The following DDR2 variants were observed in gnomAD, a reference collection of about 807,000 sequenced individuals.
DDR2 encodes discoidin domain-containing receptor 2.
DDR2 carries 27 observed loss-of-function variants against 94.9 expected under a neutral mutation model. That is an observed-to-expected ratio of 0.28 (90% CI 0.21 to 0.39). The LOEUF (loss-of-function observed/expected upper bound fraction) is 0.39, where lower values mean the gene tolerates loss of function less well. DDR2 is among the 10% of genes least tolerant of loss of function. The pLI, the probability that DDR2 is intolerant of heterozygous loss-of-function variation, is 1.00. For missense variants in DDR2, 783 were observed against 1,076.0 expected (o/e 0.73, Z 3.81); for synonymous variants, 382 against 377.2 (o/e 1.01, Z -0.15).
In DDR2 at chr1:162,712,004, A is replaced by G. The variant is rs141669479; in HGVS notation, c.-27-7033A>G. ...AGGGGTATAAACCAGGCAAGAGGAG[A>G]ACTTAACTTCCTGCTCACTCTTTCT... On this transcript the variant is annotated intron_variant, in intron 2 of 17. Coordinates refer to ENST00000367921, the MANE Select transcript of DDR2 (RefSeq NM_006182.4). Among the ~76,000 whole-genome samples the G allele has an allele frequency of 1.7e-3, 254 of 152,004 alleles. 4 individuals are homozygous for G. In the East Asian group the frequency reaches 0.017, roughly 10 times the overall value.
intron 12 of DDR2, chr1:162,770,717 G>A (rs956322392): frequency 2.8e-6 from 2 of 708,042 alleles, no homozygotes; most frequent in Non-Finnish European, 2.6e-6. Context: ...TATAAGATGT[G>A]TGGAGGGACC....
intron 2 of DDR2, among the ~76,000 whole-genome samples, chr1:162,666,643 G>C (rs1658583795): frequency 6.6e-6 from 1 of 152,074 alleles, no homozygotes; most frequent in Non-Finnish European, 1.5e-5. Flanking sequence ...AAAATCATCT[G>C]GCACATGGTT....
chr1:162,771,990 A>G lies in DDR2; in HGVS notation c.1505-34A>G, dbSNP rs758255180. On this transcript the variant is annotated intron_variant, in intron 12 of 17. Transcript: ENST00000367921. ...CTGAAGAGATCTCCAAAGACACTCC[A>G]CGGAATGAGGGCTCGTTGCCCTTGT... 1.3e-5 allele frequency: 20 copies of G among 1,564,236 alleles called. No individual in the cohort carries two copies. In the South Asian group the frequency reaches 2.2e-4, roughly 17 times the overall value.
At chr1:162,728,349 C>G (rs1392319205) in intron 3 of DDR2, among the ~76,000 whole-genome samples, 1 of 151,576 alleles carries the variant, frequency 6.6e-6, no homozygotes, top group Non-Finnish European at 1.5e-5. Flanking sequence ...TGAGAGTTAG[C>G]TGGAGCTGAA....
chr1:162,637,868 C>A (rs1656907992), intron 1 of DDR2, among the ~76,000 whole-genome samples: 1 of 152,138 alleles, frequency 6.6e-6, no homozygotes, highest in Admixed American at 6.5e-5. Context: ...AAACAACAGA[C>A]ACACATAGCA....
chr1:162,681,755 C>A (rs1044093981), intron 2 of DDR2, among the ~76,000 whole-genome samples: 1 of 152,072 alleles, frequency 6.6e-6, no homozygotes, highest in Non-Finnish European at 1.5e-5. Context: ...TCTAATCACC[C>A]CACAAAGGCT....
intron 3 of DDR2, among the ~76,000 whole-genome samples, chr1:162,724,527 G>A (rs1661565356): frequency 6.6e-6 from 1 of 152,120 alleles, no homozygotes; most frequent in African/African-American, 2.4e-5. Context: ...TCTGCACCAG[G>A]TTGTGCCTTT....
chr1:162,659,100 T>G (rs1658165362), intron 2 of DDR2, among the ~76,000 whole-genome samples: 1 of 152,134 alleles, frequency 6.6e-6, no homozygotes. Flanking sequence ...ACCTGTGATG[T>G]GTAAGGGACT....
At chr1:162,646,046 A>G (rs1657390321) in intron 1 of DDR2, among the ~76,000 whole-genome samples, 1 of 152,238 alleles carries the variant, frequency 6.6e-6, no homozygotes, top group Admixed American at 6.5e-5. Context: ...GCCTCATGCC[A>G]TGCAACGACT....
chr1:162,689,644 T>C (rs2101973188), intron 2 of DDR2, among the ~76,000 whole-genome samples: 1 of 151,440 alleles, frequency 6.6e-6, no homozygotes, highest in East Asian at 1.9e-4. Flanking sequence ...TAAATTGTCA[T>C]TTAAAAAGAA....
At chr1:162,696,762 GAAATC>G (rs2101986616) in intron 2 of DDR2, among the ~76,000 whole-genome samples, 1 of 152,190 alleles carries the variant, frequency 6.6e-6, no homozygotes, top group South Asian at 2.1e-4. Context: ...TCTTCCTGCT[GAAATC>G]AGAGGCAGCT....
intron 17 of DDR2, among the ~76,000 whole-genome samples, chr1:162,779,382 C>T (rs540050575): frequency 1.1e-4 from 17 of 152,120 alleles, no homozygotes; most frequent in Non-Finnish European, 2.1e-4. Context: ...ACTACAGCAC[C>T]GCACTTCCCC....
At chr1:162,744,688 T>C (rs911044452) in intron 3 of DDR2, among the ~76,000 whole-genome samples, 2 of 152,010 alleles carry the variant, frequency 1.3e-5, no homozygotes, top group Non-Finnish European at 2.9e-5. Context: ...AATTTCTTTC[T>C]TTTTTAAAGC....
Position 162,647,200 on chromosome 1 carries a change from A to G in DDR2, c.-191-8011A>G, listed in dbSNP as rs1373023279. Among the ~76,000 whole-genome samples the G allele has an allele frequency of 2.6e-5, 4 of 152,362 alleles. No homozygotes were observed. In the East Asian group the frequency reaches 7.7e-4, roughly 29 times the overall value. On this transcript the variant is annotated intron_variant, in intron 1 of 17. Coordinates refer to ENST00000367921, the MANE Select transcript of DDR2 (RefSeq NM_006182.4). The stretch of plus-strand genomic sequence containing the variant: ...AAGTACAAATCTATCTATAAAAAAA[A>G]GAATGAAAATGCTCCTGACCATCCA...
chr1:162,675,875 G>A (rs1251880824), intron 2 of DDR2, among the ~76,000 whole-genome samples: 2 of 152,178 alleles, frequency 1.3e-5, no homozygotes, highest in African/African-American at 4.8e-5. Context: ...TGAGAGAGCT[G>A]AAAGTGTAGA....
chr1:162,653,438 A>G lies in DDR2; in HGVS notation c.-191-1773A>G, dbSNP rs540635495. 2.3e-3 allele frequency among the ~76,000 whole-genome samples: 347 copies of G among 152,208 alleles called. 1 individual carries two copies. Among genetic ancestry groups the G allele is most frequent in the African/African-American group, 7.7e-3 (321 of 41,538 alleles). On this transcript the variant is annotated intron_variant, in intron 1 of 17. Transcript: ENST00000367921. ...CTAAAAATATAAAAACTAGCCAGGC[A>G]TGGTGGCGAGTGCCTGTAATCCCAG...
chr1:162,697,040 G>A (rs192450883), intron 2 of DDR2, among the ~76,000 whole-genome samples: 2 of 152,132 alleles, frequency 1.3e-5, no homozygotes, highest in Admixed American at 6.5e-5. Flanking sequence ...CTCATTCTGC[G>A]TAGGGGGTGG....
At chr1:162,708,977 A>G (rs1660775683) in intron 2 of DDR2, among the ~76,000 whole-genome samples, 1 of 152,206 alleles carries the variant, frequency 6.6e-6, no homozygotes, top group Non-Finnish European at 1.5e-5. Flanking sequence ...AAATGGTAAC[A>G]TTTATGAGAC....
intron 1 of DDR2, among the ~76,000 whole-genome samples, chr1:162,641,738 T>A (rs1370185049): frequency 6.6e-6 from 1 of 152,184 alleles, no homozygotes. Flanking sequence ...AAGATCAGCA[T>A]CTAAAGAGAG....
Sources: allele counts gnomAD v4.1 joint callset (sites outside exome capture counted in the v4.1 genomes callset), GRCh38; gene constraint gnomAD v4.1.1; transcripts MANE v1.5; gene names NCBI Gene and HGNC (gene_info 2026-07-23, HGNC 2026-07-21).